Variants in LINGO1 observed in about 807,000 individuals in gnomAD.
The protein encoded by LINGO1 is leucine-rich repeat and immunoglobulin-like domain-containing nogo receptor-interacting protein 1.
Under a neutral mutation model 37.3 loss-of-function variants are expected in LINGO1, and 11 were observed. That is an observed-to-expected ratio of 0.29 (90% CI 0.19 to 0.49). The LOEUF (loss-of-function observed/expected upper bound fraction) is 0.49. Ranked by LOEUF, LINGO1 falls within the 20% of genes least tolerant of loss-of-function variation. The pLI is 0.99. For missense variants in LINGO1, 585 were observed against 878.2 expected (o/e 0.67, Z 4.22); for synonymous variants, 387 against 403.0 (o/e 0.96, Z 0.48).
At chr15:77,815,180 G>A (rs1174602543) in intron 1 of LINGO1, among the ~76,000 whole-genome samples, 2 of 152,214 alleles carry the variant, frequency 1.3e-5, no homozygotes, top group African/African-American at 2.4e-5. Flanking sequence ...CTCCTCCAGC[G>A]GCTGGCACCT....
chr15:77,729,315 G>T (rs1163242137), intron 2 of LINGO1, among the ~76,000 whole-genome samples: 2 of 152,232 alleles, frequency 1.3e-5, no homozygotes, highest in Non-Finnish European at 2.9e-5. Flanking sequence ...GCAGGGAGGC[G>T]CAGCTGATTA....
chr15:77,779,979 G>A (rs1382633052), intron 1 of LINGO1, among the ~76,000 whole-genome samples: 1 of 152,226 alleles, frequency 6.6e-6, no homozygotes, highest in African/African-American at 2.4e-5. Flanking sequence ...CTTACACACA[G>A]TGACGGGGAA....
chr15:77,788,351 G>A (rs1285717766), upstream of LINGO1: 1 of 152,168 alleles, frequency 6.6e-6, no homozygotes, highest in Non-Finnish European at 1.5e-5. Flanking sequence ...CCCTTTACAT[G>A]CCTCAACCTA....
intron 1 of LINGO1, among the ~76,000 whole-genome samples, chr15:77,776,635 A>G (rs888998804): frequency 1.3e-5 from 2 of 151,908 alleles, no homozygotes; most frequent in African/African-American, 4.8e-5. Context: ...CATGTCCTCC[A>G]TGGCTGTGCA....
At chr15:77,697,076 T>A (rs1487384390), upstream of LINGO1, among the ~76,000 whole-genome samples, 1 of 152,126 alleles carries the variant, frequency 6.6e-6, no homozygotes, top group Non-Finnish European at 1.5e-5. Context: ...GGCAGGAGCT[T>A]AAGGCTGCCG....
chr15:77,621,877 C>T (rs1164388543), intron 1 of LINGO1, among the ~76,000 whole-genome samples: 13 of 152,196 alleles, frequency 8.5e-5, no homozygotes, highest in Admixed American at 6.5e-4. Context: ...GGTGCTCCCA[C>T]TCAGCGTTCC....
chr15:77,650,450 G>GT (rs1386835960), intron 3 of LINGO1, among the ~76,000 whole-genome samples: 2 of 152,170 alleles, frequency 1.3e-5, no homozygotes, highest in African/African-American at 4.8e-5. Context: ...GCAGAGGGTC[G>GT]CCATAGCAAC....
intron 1 of LINGO1, among the ~76,000 whole-genome samples, chr15:77,742,257 C>T (rs1244028727): frequency 1.3e-5 from 2 of 152,224 alleles, no homozygotes; most frequent in Non-Finnish European, 2.9e-5. Flanking sequence ...CCAGGCTGGC[C>T]CCCACCCTGG....
At chr15:77,646,015 C>T (rs1355345778) in intron 3 of LINGO1, among the ~76,000 whole-genome samples, 1 of 152,214 alleles carries the variant, frequency 6.6e-6, no homozygotes, top group African/African-American at 2.4e-5. Context: ...ATCTGCAAAG[C>T]AGGGATGGTG....
At chr15:77,692,513 G>GT (rs1188209782) in intron 1 of LINGO1, among the ~76,000 whole-genome samples, 1 of 152,168 alleles carries the variant, frequency 6.6e-6, no homozygotes, top group Non-Finnish European at 1.5e-5. Context: ...CAAGGAAAAG[G>GT]TTTTTTAAAA....
intron 2 of LINGO1, among the ~76,000 whole-genome samples, chr15:77,732,758 G>T (rs139253530): frequency 6.6e-6 from 1 of 152,242 alleles, no homozygotes; most frequent in African/African-American, 2.4e-5. Flanking sequence ...TGCCGTTGTT[G>T]TAACTGTGGC....
At chr15:77,763,367 C>T (rs1462804809) in intron 1 of LINGO1, among the ~76,000 whole-genome samples, 1 of 152,070 alleles carries the variant, frequency 6.6e-6, no homozygotes, top group Non-Finnish European at 1.5e-5. Flanking sequence ...TGGGGATGGC[C>T]CCCTGACTCT....
intron 2 of LINGO1, among the ~76,000 whole-genome samples, chr15:77,687,346 G>C (rs34520587): frequency 0.082 from 12,555 of 152,244 alleles, 589 homozygotes; most frequent in Middle Eastern, 0.13. Context: ...CTGGGGTCAG[G>C]TCTTAATGAG....
At chr15:77,652,604 C>T (rs1024585698) in intron 3 of LINGO1, among the ~76,000 whole-genome samples, 2 of 151,980 alleles carry the variant, frequency 1.3e-5, no homozygotes, top group Admixed American at 1.3e-4. Context: ...CACGCCCACT[C>T]CAGACATACC....
In LINGO1 at chr15:77,626,224, AG is replaced by A. The variant is rs1310885698; in HGVS notation, c.6+6085del. 7.2e-5 allele frequency among the ~76,000 whole-genome samples: 11 copies of A among 152,282 alleles called. No homozygotes were observed. The East Asian group carries it at 1.9e-3, about 27-fold the overall frequency. ...CACTTTCTCTCCCCAACATCATACA[AG>A]GGTCACATGGCCACCCCATGGCGGG... is the stretch of plus-strand genomic sequence containing the variant. On this transcript the variant is annotated intron_variant, in intron 1 of 1. Coordinates refer to ENST00000355300, the MANE Select transcript of LINGO1 (RefSeq NM_032808.7).
intron 2 of LINGO1, among the ~76,000 whole-genome samples, chr15:77,685,105 G>A (rs140640557): frequency 5.2e-4 from 78 of 150,600 alleles, no homozygotes; most frequent in East Asian, 1.2e-3. Flanking sequence ...GTGGGGAGTG[G>A]GGGTAAGAGT....
chr15:77,800,585 A>T (rs182519269), intron 1 of LINGO1, among the ~76,000 whole-genome samples: 4 of 152,338 alleles, frequency 2.6e-5, no homozygotes, highest in African/African-American at 9.6e-5. Context: ...CCTACAAACC[A>T]GGGCTTTGCA....
intron 3 of LINGO1, among the ~76,000 whole-genome samples, chr15:77,674,371 G>A (rs2075296287): frequency 6.6e-6 from 1 of 152,154 alleles, no homozygotes; most frequent in South Asian, 2.1e-4. Flanking sequence ...AGAGGGATCT[G>A]GTTAAAATGT....
intron 1 of LINGO1, among the ~76,000 whole-genome samples, chr15:77,691,812 G>A (rs2075608882): frequency 6.6e-6 from 1 of 152,104 alleles, no homozygotes; most frequent in African/African-American, 2.4e-5. Flanking sequence ...GTGACGCTGA[G>A]TAATGTTTTC....
Sources: allele counts gnomAD v4.1 joint callset (sites outside exome capture counted in the v4.1 genomes callset), GRCh38; gene constraint gnomAD v4.1.1; transcripts MANE v1.5; gene names NCBI Gene and HGNC (gene_info 2026-07-23, HGNC 2026-07-21).